FCHO2: variants seen among roughly 807,000 people sequenced by gnomAD.
FCHO2 encodes the protein F-BAR domain only protein 2.
A neutral mutation model predicts 114.1 loss-of-function variants in FCHO2; 43 were observed. That is an observed-to-expected ratio of 0.38 (90% CI 0.30 to 0.49). The LOEUF (loss-of-function observed/expected upper bound fraction) is 0.49. Among genes scored for constraint, FCHO2 ranks in the 20% least tolerant of loss-of-function variants. The pLI is 0.97. For missense variants in FCHO2, 807 were observed against 950.4 expected (o/e 0.85, Z 1.98); for synonymous variants, 293 against 315.2 (o/e 0.93, Z 0.75).
intron 2 of FCHO2, among the ~76,000 whole-genome samples, chr5:72,977,522 T>G (rs1272111790): frequency 2.6e-5 from 4 of 152,216 alleles, no homozygotes; most frequent in African/African-American, 9.7e-5. Flanking sequence ...ATATTAGCCC[T>G]TTGTCAGATG....
chr5:73,021,944 A>C (rs1355924237), intron 8 of FCHO2, among the ~76,000 whole-genome samples: 1 of 152,192 alleles, frequency 6.6e-6, no homozygotes, highest in African/African-American at 2.4e-5. Context: ...GATTTTCAGC[A>C]ACTTTTTGAA....
In FCHO2 at chr5:72,972,121, A is replaced by C. The variant is rs1227517755; in HGVS notation, c.125+3532A>C. Among the ~76,000 whole-genome samples the C allele has an allele frequency of 5.9e-5, 9 of 151,974 alleles. No homozygotes were observed. In the East Asian group the frequency reaches 9.6e-4, roughly 16 times the overall value. On this transcript the variant is annotated intron_variant, in intron 2 of 25. Transcript: ENST00000430046. ...TACTGTAGCCTTGTAGTATAGTTTGAAGTCAGGTAGTGTGATGCCTCCACC... is the reference window on the plus strand; with the variant it reads ...TACTGTAGCCTTGTAGTATAGTTTGCAGTCAGGTAGTGTGATGCCTCCACC...
At chr5:73,058,894 A>T in intron 17 of FCHO2, among the ~76,000 whole-genome samples, 1 of 152,190 alleles carries the variant, frequency 6.6e-6, no homozygotes. Flanking sequence ...ATGAACATCC[A>T]TAGAAATAAC....
At chr5:73,081,594 A>G (rs111980811) in intron 22 of FCHO2, among the ~76,000 whole-genome samples, 189 bp from the exon 23 acceptor site, 1,564 of 152,326 alleles carry the variant, frequency 0.01, 27 homozygotes, top group African/African-American at 0.036. Flanking sequence ...TGATGTAAGT[A>G]GTAGTAGGTC....
At chr5:73,050,138 T>G (rs1042052490) in intron 11 of FCHO2, among the ~76,000 whole-genome samples, 18 of 152,144 alleles carry the variant, frequency 1.2e-4, no homozygotes, top group Admixed American at 9.8e-4. Context: ...CATCTAGAAA[T>G]AATTTATTAC....
Position 72,978,450 on chromosome 5 carries a change from A to G in FCHO2, c.125+9861A>G, listed in dbSNP as rs1390783820. ...ATAGGAATGCTTGTGATTTTTGCAC[A>G]TTGATTTTGTATCCTGAGAATTTAC... On this transcript the variant is annotated intron_variant, in intron 2 of 25. Coordinates refer to ENST00000430046, the MANE Select transcript of FCHO2 (RefSeq NM_138782.3). Among the ~76,000 whole-genome samples the G allele has an allele frequency of 2.0e-5, 3 of 152,188 alleles. No homozygotes were observed. In the South Asian group the frequency reaches 6.2e-4, roughly 32 times the overall value.
At position 73,080,531 on chromosome 5, in the gene FCHO2, A is replaced by T. The variant is rs183615830; in HGVS notation, c.1981-1252A>T. Among the ~76,000 whole-genome samples the T allele has an allele frequency of 2.3e-3, 351 of 152,316 alleles. 3 individuals carry two copies. In the Middle Eastern group the frequency reaches 0.024, roughly 10 times the overall value. On this transcript the variant is annotated intron_variant, in intron 22 of 25. Transcript: ENST00000430046. ...AGGAAATTAATTACTATAGCCATTA[A>T]AAAGAATGACATGGATCTATGTTTG...
At chr5:73,087,506 A>G (rs569356656) in intron 24 of FCHO2, 83 bp from the exon 25 acceptor site, 3 of 1,462,748 alleles carry the variant, frequency 2.1e-6, no homozygotes, top group African/African-American at 2.8e-5. Context: ...GGACTGATGT[A>G]GTTTAGCTTA....
chr5:72,977,553 T>G (rs1752956838), intron 2 of FCHO2, among the ~76,000 whole-genome samples: 1 of 152,244 alleles, frequency 6.6e-6, no homozygotes, highest in South Asian at 2.1e-4. Flanking sequence ...AAAAATTTTC[T>G]CCCATTCTGT....
intron 6 of FCHO2, among the ~76,000 whole-genome samples, chr5:73,010,064 T>G (rs1754923603): frequency 6.6e-6 from 1 of 152,214 alleles, no homozygotes; most frequent in African/African-American, 2.4e-5. Context: ...TGGGTTAGTT[T>G]AGAAGGGAAA....
At chr5:73,022,542 G>T (rs1457911532) in intron 8 of FCHO2, among the ~76,000 whole-genome samples, 3 of 152,160 alleles carry the variant, frequency 2.0e-5, no homozygotes, top group Admixed American at 1.3e-4. Context: ...CCTTATTCAT[G>T]GCAGATACCG....
At chr5:73,003,571 T>C (rs1275377129) in intron 5 of FCHO2, among the ~76,000 whole-genome samples, 1 of 152,184 alleles carries the variant, frequency 6.6e-6, no homozygotes, top group African/African-American at 2.4e-5. Context: ...CTTGTAAATA[T>C]CTGTATTAGG....
intron 1 of FCHO2, among the ~76,000 whole-genome samples, chr5:72,966,848 A>T (rs544452885): frequency 2.0e-5 from 3 of 152,392 alleles, no homozygotes; most frequent in African/African-American, 7.2e-5. Flanking sequence ...AGAGTTGTTA[A>T]ACCTAGTGTA....
At chr5:72,966,410 G>A (rs905528733) in intron 1 of FCHO2, among the ~76,000 whole-genome samples, 2 of 152,110 alleles carry the variant, frequency 1.3e-5, no homozygotes, top group African/African-American at 4.8e-5. Context: ...TCAGCCTCTG[G>A]AGTAGCTGGG....
At chr5:72,989,375 GT>G in intron 2 of FCHO2, 51 bp from the exon 3 acceptor site, 11 of 1,352,834 alleles carry the variant, frequency 8.1e-6, no homozygotes, top group Admixed American at 2.3e-5. Flanking sequence ...TAACTTTGCT[GT>G]TTTTGGTCAC....
In FCHO2 at chr5:73,009,365, A is replaced by T. The variant is rs1000607569; in HGVS notation, c.600+2816A>T. Reference sequence around the variant, plus strand: ...ATTTGCCGTTTCATTAATTTTTAAAATTGGAATAAACAGAGTTTGCTATAG... The same window carrying T: ...ATTTGCCGTTTCATTAATTTTTAAATTTGGAATAAACAGAGTTTGCTATAG... On this transcript the variant is annotated intron_variant, in intron 6 of 25. Transcript: ENST00000430046. Among the ~76,000 whole-genome samples the T allele has an allele frequency of 4.6e-5, 7 of 152,342 alleles. No individual in the cohort carries two copies. The East Asian group carries it at 1.3e-3, about 29-fold the overall frequency.
chr5:72,960,597 G>A (rs1751805082), intron 1 of FCHO2, among the ~76,000 whole-genome samples: 1 of 152,150 alleles, frequency 6.6e-6, no homozygotes, highest in Non-Finnish European at 1.5e-5. Context: ...CAGTGAGGAA[G>A]TGTCTAAGCC....
intron 18 of FCHO2, among the ~76,000 whole-genome samples, chr5:73,067,164 A>G (rs1268203022): frequency 6.6e-6 from 1 of 152,066 alleles, no homozygotes. Flanking sequence ...AGTAGATAGC[A>G]TAATTCTAAA....
At chr5:73,050,999 A>G (rs916367600) in intron 11 of FCHO2, 3 of 238,238 alleles carry the variant, frequency 1.3e-5, no homozygotes, top group African/African-American at 2.4e-5. Flanking sequence ...TTCAAATCAC[A>G]TGTACTTTTT....
Sources: allele counts gnomAD v4.1 joint callset (sites outside exome capture counted in the v4.1 genomes callset), GRCh38; gene constraint gnomAD v4.1.1; transcripts MANE v1.5; gene names NCBI Gene and HGNC (gene_info 2026-07-23, HGNC 2026-07-21).